NBAS: variants seen among roughly 807,000 people sequenced by gnomAD.
NBAS encodes NBAS subunit of NRZ tethering complex.
In NBAS, 219 loss-of-function variants were observed where a neutral mutation model predicts 302.5. The ratio of observed to expected loss-of-function variants is 0.72; its 90% CI spans 0.65 to 0.81. NBAS has a LOEUF of 0.81. NBAS is among the 30% of genes least tolerant of loss of function. NBAS has a pLI of 0.00. For synonymous variants in NBAS, 1,118 were observed against 1,021.6 expected, an observed-to-expected ratio of 1.09 and a Z score of -1.80; for missense variants, 2,932 against 2,841.6, an observed-to-expected ratio of 1.03 and a Z score of -0.72.
At chr2:15,204,492 A>G (rs1180320282) in intron 48 of NBAS, among the ~76,000 whole-genome samples, 1 of 152,164 alleles carries the variant, frequency 6.6e-6, no homozygotes, top group Admixed American at 6.5e-5. Context: ...AAACTCTGTG[A>G]GACTGGGCTG....
intron 42 of NBAS, 85 bp downstream of exon 42, chr2:15,286,988 T>C (rs1670069425): frequency 1.8e-6 from 2 of 1,128,976 alleles, no homozygotes; most frequent in Non-Finnish European, 2.7e-6. Context: ...ACTAAAATTG[T>C]ACTTTACAAC....
At chr2:15,396,024 G>A (rs938731369) in intron 27 of NBAS, among the ~76,000 whole-genome samples, 7 of 152,088 alleles carry the variant, frequency 4.6e-5, no homozygotes, top group African/African-American at 1.7e-4. Context: ...ATTGTCTGCT[G>A]ATAAAGATGC....
At chr2:15,098,283 A>T in the NBAS span, among the ~76,000 whole-genome samples, 7 of 446 alleles carry the variant, frequency 0.016, 2 homozygotes, top group South Asian at 0.12. Context: ...ATATTATATA[A>T]TATATATTAT....
chr2:14,891,451 G>A, the NBAS span, among the ~76,000 whole-genome samples: 2 of 152,024 alleles, frequency 1.3e-5, no homozygotes, highest in African/African-American at 4.8e-5. Context: ...TTGTCAATAA[G>A]TGTGTGTGAG....
At chr2:14,845,916 A>C in the NBAS span, among the ~76,000 whole-genome samples, 2 of 152,150 alleles carry the variant, frequency 1.3e-5, no homozygotes, top group South Asian at 4.1e-4. Context: ...AAGATTGAAA[A>C]AAAATAGCCT....
intron 32 of NBAS, among the ~76,000 whole-genome samples, chr2:15,363,252 GGTAATGAA>G (rs938608956): frequency 2.6e-5 from 4 of 152,070 alleles, no homozygotes; most frequent in Admixed American, 6.6e-5. Context: ...GCCCATTCCT[GGTAATGAA>G]GTCTTTAACA....
At chr2:15,263,697 TA>T (rs5829494) in intron 44 of NBAS, among the ~76,000 whole-genome samples, 89,391 of 152,076 alleles carry the variant, frequency 0.59, 29,148 homozygotes, top group African/African-American at 0.87. Flanking sequence ...CCTCATCAGT[TA>T]AAGACTCAGC....
intron 23 of NBAS, among the ~76,000 whole-genome samples, chr2:15,418,381 T>C (rs1365186571): frequency 1.3e-5 from 2 of 152,202 alleles, no homozygotes; most frequent in East Asian, 1.9e-4. Context: ...AGAAATGATC[T>C]AGTGTAGTCT....
At chr2:15,244,593 A>C (rs1052410039) in intron 44 of NBAS, among the ~76,000 whole-genome samples, 7 of 151,892 alleles carry the variant, frequency 4.6e-5, no homozygotes, top group African/African-American at 1.7e-4. Flanking sequence ...CTGTTTCACC[A>C]TGTAAGTTGG....
At chr2:15,445,197 C>T (rs1393381838) in intron 21 of NBAS, among the ~76,000 whole-genome samples, 1 of 150,902 alleles carries the variant, frequency 6.6e-6, no homozygotes, top group African/African-American at 2.5e-5. Flanking sequence ...TATAAAGACA[C>T]ATGCACATGT....
the NBAS span, among the ~76,000 whole-genome samples, chr2:15,064,731 T>G: frequency 6.6e-6 from 1 of 152,124 alleles, no homozygotes; most frequent in African/African-American, 2.4e-5. Context: ...GAGGTCAGCA[T>G]TACCCTGATA....
At chr2:14,941,090 C>A in the NBAS span, among the ~76,000 whole-genome samples, 2 of 152,144 alleles carry the variant, frequency 1.3e-5, no homozygotes, top group African/African-American at 4.8e-5. Flanking sequence ...AGGATGAGGG[C>A]AGGATAGGGA....
the NBAS span, among the ~76,000 whole-genome samples, chr2:14,832,692 G>C: frequency 1.3e-5 from 2 of 152,158 alleles, no homozygotes; most frequent in Non-Finnish European, 2.9e-5. Flanking sequence ...AGTTTTCTGT[G>C]AGTCATGACT....
At chr2:15,356,458 C>T (rs746914219) in intron 32 of NBAS, 42 bp from the exon 33 acceptor site, 55 of 1,335,832 alleles carry the variant, frequency 4.1e-5, no homozygotes, top group East Asian at 2.5e-4. Flanking sequence ...TGACAAGCAA[C>T]GTCAATTGAT....
the NBAS span, among the ~76,000 whole-genome samples, chr2:15,134,210 T>C: frequency 6.6e-6 from 1 of 152,088 alleles, no homozygotes; most frequent in African/African-American, 2.4e-5. Context: ...AAGCACTCAC[T>C]ATGGGATTAA....
the NBAS span, among the ~76,000 whole-genome samples, chr2:14,965,286 C>T: frequency 6.6e-6 from 1 of 152,000 alleles, no homozygotes; most frequent in East Asian, 1.9e-4. Flanking sequence ...TGAGACCCCC[C>T]CTACCCAGAC....
chr2:15,227,324 A>C (rs544596905), intron 47 of NBAS, among the ~76,000 whole-genome samples: 1 of 152,300 alleles, frequency 6.6e-6, no homozygotes, highest in South Asian at 2.1e-4. Flanking sequence ...TACAATGAAA[A>C]CTATAAAACA....
intron 24 of NBAS, among the ~76,000 whole-genome samples, chr2:15,416,034 T>C (rs1036334195): frequency 6.6e-6 from 1 of 151,792 alleles, no homozygotes; most frequent in Non-Finnish European, 1.5e-5. Context: ...ATGCTGCTAC[T>C]ACAACTCAGT....
chr2:15,415,142 C>G (rs1676864679), intron 25 of NBAS, among the ~76,000 whole-genome samples: 1 of 152,098 alleles, frequency 6.6e-6, no homozygotes, highest in Admixed American at 6.5e-5. Flanking sequence ...CAACCCTGGG[C>G]AATTACCCTA....
Sources: gnomAD v4.1 joint callset for allele counts (sites outside exome capture counted in the v4.1 genomes callset) on GRCh38, gnomAD v4.1.1 for gene constraint, MANE v1.5 for transcripts, NCBI Gene and HGNC (gene_info 2026-07-23, HGNC 2026-07-21) for gene names.